Variants in DLG2 observed in about 807,000 individuals in gnomAD.
DLG2 encodes disks large homolog 2.
DLG2 carries 45 observed loss-of-function variants against 132.5 expected under a neutral mutation model. The observed-to-expected ratio is 0.34, with a 90% CI of 0.27 to 0.44. DLG2 has a LOEUF of 0.44. Among genes scored for constraint, DLG2 ranks in the 20% least tolerant of loss-of-function variants. The pLI, the probability that DLG2 is intolerant of heterozygous loss-of-function variation, is 1.00. For synonymous variants in DLG2, 424 were observed against 419.6 expected (o/e 1.01, Z -0.13); for missense variants, 1,045 against 1,196.9 (o/e 0.87, Z 1.87).
intron 21 of DLG2, among the ~76,000 whole-genome samples, chr11:83,493,985 C>A (rs1402581354): frequency 1.3e-5 from 2 of 152,086 alleles, no homozygotes; most frequent in African/African-American, 4.8e-5. Context: ...GGTATCAAAG[C>A]AGAATGTTTC....
At chr11:84,756,633 G>A (rs2066915043) in intron 6 of DLG2, among the ~76,000 whole-genome samples, 1 of 151,144 alleles carries the variant, frequency 6.6e-6, no homozygotes, top group African/African-American at 2.4e-5. Flanking sequence ...TATACACAAA[G>A]TGGATACATA....
At chr11:84,340,179 A>G (rs2098507858) in intron 7 of DLG2, among the ~76,000 whole-genome samples, 1 of 152,224 alleles carries the variant, frequency 6.6e-6, no homozygotes. Flanking sequence ...ATGCAGGCAC[A>G]CCAGGAGTAT....
chr11:84,158,182 G>A (rs2154258200), intron 9 of DLG2, among the ~76,000 whole-genome samples: 1 of 152,024 alleles, frequency 6.6e-6, no homozygotes, highest in South Asian at 2.1e-4. Flanking sequence ...TCCTGCCTCA[G>A]CCTCCTGAGT....
At chr11:83,744,815 T>G (rs181358274) in intron 18 of DLG2, among the ~76,000 whole-genome samples, 294 of 152,320 alleles carry the variant, frequency 1.9e-3, no homozygotes, top group Middle Eastern at 0.014. Context: ...AGGAAGTTTT[T>G]TATTCTACCT....
intron 6 of DLG2, among the ~76,000 whole-genome samples, chr11:84,634,108 G>T (rs1022320800): frequency 7.2e-5 from 11 of 152,238 alleles, no homozygotes; most frequent in African/African-American, 2.6e-4. Flanking sequence ...TAAAACATAT[G>T]TGAAGAGTAT....
At chr11:85,168,141 C>A (rs1048030216) in intron 4 of DLG2, among the ~76,000 whole-genome samples, 1 of 151,980 alleles carries the variant, frequency 6.6e-6, no homozygotes, top group African/African-American at 2.4e-5. Flanking sequence ...ACATGCAAAG[C>A]ACTAAAGAAG....
chr11:85,365,768 T>C (rs2084500546), intron 3 of DLG2, among the ~76,000 whole-genome samples: 1 of 151,850 alleles, frequency 6.6e-6, no homozygotes, highest in Non-Finnish European at 1.5e-5. Context: ...GAAGGATGAG[T>C]TCATGTCCTT....
At chr11:85,579,964 C>A (rs779600450) in intron 3 of DLG2, among the ~76,000 whole-genome samples, 6 of 152,110 alleles carry the variant, frequency 3.9e-5, no homozygotes, top group Non-Finnish European at 7.3e-5. Context: ...GTAACTCCCA[C>A]AATTCACACA....
At chr11:84,990,250 C>G (rs1316204666) in intron 6 of DLG2, among the ~76,000 whole-genome samples, 1 of 152,202 alleles carries the variant, frequency 6.6e-6, no homozygotes, top group Admixed American at 6.5e-5. Flanking sequence ...AGACGTTCAT[C>G]ATCTGCTATG....
intron 6 of DLG2, chr11:84,763,172 T>C (rs924896693): frequency 6.6e-6 from 1 of 152,180 alleles, no homozygotes; most frequent in Non-Finnish European, 1.5e-5. Context: ...AACTCTAACA[T>C]AGGAGCTCGA....
At chr11:83,927,893 G>A (rs2079280385) in intron 15 of DLG2, among the ~76,000 whole-genome samples, 1 of 150,182 alleles carries the variant, frequency 6.7e-6, no homozygotes. Flanking sequence ...GAATTGAATG[G>A]CAGATATGAG....
intron 21 of DLG2, among the ~76,000 whole-genome samples, chr11:83,509,949 A>G (rs1311826317): frequency 6.6e-6 from 1 of 152,150 alleles, no homozygotes; most frequent in African/African-American, 2.4e-5. Flanking sequence ...AACACACACA[A>G]GATACTTTGC....
At chr11:83,765,391 T>C (rs1426906360) in intron 18 of DLG2, among the ~76,000 whole-genome samples, 1 of 152,254 alleles carries the variant, frequency 6.6e-6, no homozygotes, top group African/African-American at 2.4e-5. Context: ...AGTTTCTGTC[T>C]TGAAAAGGAG....
chr11:85,522,776 T>C (rs920743357), intron 3 of DLG2, among the ~76,000 whole-genome samples: 1 of 152,204 alleles, frequency 6.6e-6, no homozygotes, highest in African/African-American at 2.4e-5. Context: ...AATTTTCCCA[T>C]TCGGAATGGG....
chr11:85,307,358 A>G (rs909967196), intron 3 of DLG2, among the ~76,000 whole-genome samples: 1 of 152,214 alleles, frequency 6.6e-6, no homozygotes, highest in Non-Finnish European at 1.5e-5. Context: ...AGTTTGACAG[A>G]CTGTAAGCGG....
chr11:84,135,573 G>C (rs2094571081), intron 9 of DLG2, among the ~76,000 whole-genome samples: 1 of 152,072 alleles, frequency 6.6e-6, no homozygotes, highest in South Asian at 2.1e-4. Flanking sequence ...GCAGGCAGTA[G>C]TCAGGCAAAG....
intron 21 of DLG2, among the ~76,000 whole-genome samples, chr11:83,522,815 C>CCT (rs2095516904): frequency 1.3e-5 from 1 of 74,414 alleles, no homozygotes; most frequent in African/African-American, 5.4e-5. Flanking sequence ...CCCCCCCCCC[C>CCT]TTTTTTTTTT....
chr11:83,932,237 A>T (rs369215154), intron 14 of DLG2, among the ~76,000 whole-genome samples: 2,672 of 142,614 alleles, frequency 0.019, 76 homozygotes, highest in African/African-American at 0.064. Context: ...ACATTTGAAG[A>T]TTTTTTTTTT....
intron 6 of DLG2, among the ~76,000 whole-genome samples, chr11:85,089,287 C>G (rs1289887743): frequency 6.6e-6 from 1 of 152,122 alleles, no homozygotes; most frequent in Non-Finnish European, 1.5e-5. Flanking sequence ...TCCTCCTTCT[C>G]TCCCCAATTC....
Sources: gnomAD v4.1 joint callset for allele counts (sites outside exome capture counted in the v4.1 genomes callset) on GRCh38, gnomAD v4.1.1 for gene constraint, MANE v1.5 for transcripts, NCBI Gene and HGNC (gene_info 2026-07-23, HGNC 2026-07-21) for gene names.